The following TPD52 variants were observed in gnomAD, a reference collection of about 807,000 sequenced individuals.
The protein encoded by TPD52 is prostate and colon associated protein.
In TPD52, 17 loss-of-function variants were observed where a neutral mutation model predicts 31.3. That is an observed-to-expected ratio of 0.54 (90% CI 0.37 to 0.82). The LOEUF (loss-of-function observed/expected upper bound fraction) is 0.82, where lower values mean the gene tolerates loss of function less well. Among genes scored for constraint, TPD52 ranks in the 40% least tolerant of loss-of-function variants. TPD52 has a pLI of 0.00. For synonymous variants in TPD52, 83 were observed against 89.6 expected (o/e 0.93, Z 0.42); for missense variants, 212 against 240.1 (o/e 0.88, Z 0.77).
intron 1 of TPD52, among the ~76,000 whole-genome samples, chr8:80,088,210 G>A (rs2130868357): frequency 6.6e-6 from 1 of 152,294 alleles, no homozygotes; most frequent in East Asian, 1.9e-4. Context: ...TGGCCCTGGG[G>A]ATCTTGCTGT....
intron 2 of TPD52, among the ~76,000 whole-genome samples, chr8:80,059,863 A>G (rs1812319279): frequency 1.3e-5 from 2 of 151,172 alleles, no homozygotes; most frequent in Admixed American, 1.3e-4. Context: ...CAAAACAAAC[A>G]AAAAAAAAGA....
At chr8:80,059,524 C>T (rs972264825) in intron 2 of TPD52, among the ~76,000 whole-genome samples, 1 of 152,106 alleles carries the variant, frequency 6.6e-6, no homozygotes, top group African/African-American at 2.4e-5. Context: ...ATAATTCATT[C>T]TTTAAAAAGA....
At chr8:80,163,165 T>C (rs1811474264) in intron 1 of TPD52, among the ~76,000 whole-genome samples, 1 of 152,192 alleles carries the variant, frequency 6.6e-6, no homozygotes, top group South Asian at 2.1e-4. Flanking sequence ...CAAAGAGATA[T>C]TTGCACACTC....
Position 80,053,434 on chromosome 8 carries a change from T to C in TPD52, c.136-4A>G, listed in dbSNP as rs1811564462. ...GAGTCTGGATTTCTTCTTCTACCTATGAGGAAGGGGTTTGGGGTAAGAATA... is the reference window on the plus strand; with the variant it reads ...GAGTCTGGATTTCTTCTTCTACCTACGAGGAAGGGGTTTGGGGTAAGAATA... On this transcript the variant is annotated splice_polypyrimidine_tract_variant and splice_region_variant and intron_variant, in intron 2 of 7. Coordinates refer to ENST00000518937, the MANE Select transcript of TPD52 (RefSeq NM_001025253.3). 1 of 1,612,668 alleles carries C rather than the reference T, an allele frequency of 6.2e-7. No individual in the cohort carries two copies. Among genetic ancestry groups the C allele is most frequent in the South Asian group, 1.1e-5 (1 of 90,946 alleles).
At chr8:80,120,279 C>A (rs1808168155) in intron 1 of TPD52, among the ~76,000 whole-genome samples, 1 of 152,122 alleles carries the variant, frequency 6.6e-6, no homozygotes. Flanking sequence ...CACCTGAGGT[C>A]AGGAGTTCAG....
intron 1 of TPD52, among the ~76,000 whole-genome samples, chr8:80,110,127 C>A (rs142454361): frequency 1.3e-5 from 2 of 152,054 alleles, no homozygotes; most frequent in African/African-American, 4.8e-5. Flanking sequence ...ACTCAGAGAC[C>A]GAATTTATGA....
At chr8:80,143,885 A>AT (rs1810009581) in intron 1 of TPD52, among the ~76,000 whole-genome samples, 1 of 152,218 alleles carries the variant, frequency 6.6e-6, no homozygotes, top group African/African-American at 2.4e-5. Flanking sequence ...GAAAAATGCC[A>AT]TTTATGTTCT....
In TPD52 at chr8:80,153,097, G is replaced by A. The variant is rs535903724; in HGVS notation, c.19+18328C>T. Among the ~76,000 whole-genome samples, 8 of 152,276 alleles carry A rather than the reference G, an allele frequency of 5.3e-5. No homozygotes were observed. The East Asian group carries it at 1.5e-3, about 29-fold the overall frequency. ...TGGGAGGAGAGTGCTGAGGTTACTA[G>A]GATTTTATTACAAAGAAATGTCTTA... On this transcript the variant is annotated intron_variant, in intron 1 of 7. Transcript: ENST00000518937.
intron 1 of TPD52, among the ~76,000 whole-genome samples, chr8:80,137,435 C>A (rs1809513218): frequency 6.6e-6 from 1 of 151,418 alleles, no homozygotes; most frequent in Non-Finnish European, 1.5e-5. Context: ...TTTTTAATAT[C>A]CAAGATACGT....
At chr8:80,163,959 C>T (rs991243464) in intron 1 of TPD52, among the ~76,000 whole-genome samples, 2 of 144,224 alleles carry the variant, frequency 1.4e-5, no homozygotes, top group Non-Finnish European at 3.0e-5. Flanking sequence ...ACAGTATAAC[C>T]CTAATGAACA....
At chr8:80,168,311 G>C (rs943718145) in intron 1 of TPD52, among the ~76,000 whole-genome samples, 13 of 152,144 alleles carry the variant, frequency 8.5e-5, no homozygotes, top group African/African-American at 3.1e-4. Context: ...CAGATTTTTT[G>C]ATAACTTCAC....
chr8:80,137,565 A>G (rs1270714476), intron 1 of TPD52, among the ~76,000 whole-genome samples: 2 of 152,228 alleles, frequency 1.3e-5, no homozygotes. Flanking sequence ...GAGGCTGATC[A>G]TAACAGCCGC....
chr8:80,131,012 C>T (rs1808979770), intron 1 of TPD52, among the ~76,000 whole-genome samples: 1 of 152,164 alleles, frequency 6.6e-6, no homozygotes, highest in Admixed American at 6.5e-5. Flanking sequence ...TAATTTTTCA[C>T]ACAGTGTCTT....
At chr8:80,129,591 G>T (rs564611808) in intron 1 of TPD52, among the ~76,000 whole-genome samples, 1 of 152,112 alleles carries the variant, frequency 6.6e-6, no homozygotes, top group African/African-American at 2.4e-5. Flanking sequence ...ATTTCCCTGA[G>T]AACCACAATG....
At chr8:80,107,553 T>C (rs1159159829) in intron 1 of TPD52, among the ~76,000 whole-genome samples, 2 of 152,210 alleles carry the variant, frequency 1.3e-5, no homozygotes, top group Non-Finnish European at 2.9e-5. Context: ...TCTCCTTCTG[T>C]CTGTCTTTGT....
chr8:80,142,075 T>C (rs943542456), intron 1 of TPD52, among the ~76,000 whole-genome samples: 3 of 152,184 alleles, frequency 2.0e-5, no homozygotes, highest in Non-Finnish European at 4.4e-5. Context: ...GGAAAGTGGC[T>C]TGTCTTTTAT....
intron 1 of TPD52, among the ~76,000 whole-genome samples, chr8:80,169,181 C>T (rs1027944293): frequency 1.3e-5 from 2 of 152,126 alleles, no homozygotes; most frequent in Non-Finnish European, 2.9e-5. Flanking sequence ...GACAGGGTTC[C>T]ACCTTGTTGG....
At chr8:80,070,840 AC>A (rs1254568403) in intron 1 of TPD52, among the ~76,000 whole-genome samples, 1 of 152,174 alleles carries the variant, frequency 6.6e-6, no homozygotes, top group Non-Finnish European at 1.5e-5. Flanking sequence ...CAATTTCCTA[AC>A]CCCTGACAAC....
chr8:80,082,813 A>T (rs1815431537), intron 1 of TPD52, among the ~76,000 whole-genome samples: 1 of 152,252 alleles, frequency 6.6e-6, no homozygotes, highest in Admixed American at 6.5e-5. Context: ...ATGTGGAATT[A>T]AAAAAGCAAA....
Sources: allele counts gnomAD v4.1 joint callset (sites outside exome capture counted in the v4.1 genomes callset), GRCh38; gene constraint gnomAD v4.1.1; transcripts MANE v1.5; gene names NCBI Gene and HGNC (gene_info 2026-07-23, HGNC 2026-07-21).